PTPRD: variants seen among roughly 807,000 people sequenced by gnomAD.
PTPRD encodes the protein protein tyrosine phosphatase receptor type D.
Under a neutral mutation model 214.5 loss-of-function variants are expected in PTPRD, and 34 were observed. The ratio of observed to expected loss-of-function variants is 0.16; its 90% CI spans 0.12 to 0.21. The LOEUF (loss-of-function observed/expected upper bound fraction) is 0.21. Ranked by LOEUF, PTPRD falls within the 10% of genes least tolerant of loss-of-function variation. The pLI, the probability that PTPRD is intolerant of heterozygous loss-of-function variation, is 1.00. For synonymous variants in PTPRD, 1,128 were observed against 845.7 expected, an observed-to-expected ratio of 1.33 and a Z score of -5.79; for missense variants, 2,545 against 2,398.7, an observed-to-expected ratio of 1.06 and a Z score of -1.27.
At chr9:9,313,267 T>C (rs1219508020) in intron 9 of PTPRD, among the ~76,000 whole-genome samples, 2 of 152,174 alleles carry the variant, frequency 1.3e-5, no homozygotes, top group Non-Finnish European at 2.9e-5. Flanking sequence ...GATTATTTAA[T>C]ATAAATGTGT....
chr9:9,512,172 C>A (rs2096725432), intron 8 of PTPRD, among the ~76,000 whole-genome samples: 1 of 151,610 alleles, frequency 6.6e-6, no homozygotes. Flanking sequence ...TCAAAGAGAC[C>A]CAACAGTGTC....
rs1215192565 is a variant in PTPRD at position 9,563,448 on chromosome 9, T to A, written c.-237+11284A>T. Among the ~76,000 whole-genome samples the A allele has an allele frequency of 2.6e-5, 4 of 152,174 alleles. No homozygotes were observed. In the East Asian group the frequency reaches 7.7e-4, roughly 29 times the overall value. ...TATCTGTACCCAAACCATGGATCAC[T>A]CTCTCCTTATTTTATTCTGCATGGA... On this transcript the variant is annotated intron_variant, in intron 8 of 45. Transcript: ENST00000381196.
At chr9:9,022,679 T>C (rs1348067152) in intron 10 of PTPRD, among the ~76,000 whole-genome samples, 1 of 152,166 alleles carries the variant, frequency 6.6e-6, no homozygotes, top group African/African-American at 2.4e-5. Flanking sequence ...CATGACTGTA[T>C]AGAGCTTTGC....
At chr9:10,199,873 C>T (rs1436198440) in intron 3 of PTPRD, among the ~76,000 whole-genome samples, 1 of 150,068 alleles carries the variant, frequency 6.7e-6, no homozygotes, top group Non-Finnish European at 1.5e-5. Context: ...ACATAACTAC[C>T]ACTTAACACA....
At chr9:9,416,646 C>T (rs757136078) in intron 8 of PTPRD, among the ~76,000 whole-genome samples, 11 of 152,258 alleles carry the variant, frequency 7.2e-5, no homozygotes, top group South Asian at 6.2e-4. Flanking sequence ...CCCTTTTCCT[C>T]AGGACTTTAA....
chr9:9,568,722 G>A (rs529481297), intron 8 of PTPRD, among the ~76,000 whole-genome samples: 2 of 151,950 alleles, frequency 1.3e-5, no homozygotes, highest in Non-Finnish European at 2.9e-5. Context: ...TTAATGGGAG[G>A]TAGCTCTTAA....
intron 9 of PTPRD, among the ~76,000 whole-genome samples, chr9:9,252,038 G>A (rs908473442): frequency 6.6e-6 from 1 of 151,924 alleles, no homozygotes; most frequent in Admixed American, 6.6e-5. Flanking sequence ...TATCTCGGCA[G>A]CTACATTTGC....
rs749697397 is a variant in PTPRD at position 9,652,514 on chromosome 9, C to T, written c.-286-77733G>A. The stretch of plus-strand genomic sequence containing the variant: ...AATTTCAATAGGCTCCCTATAATAC[C>T]TTTATTGCCTATCTGAAAGGGTCAG... On this transcript the variant is annotated intron_variant, in intron 7 of 45. Coordinates refer to ENST00000381196, the MANE Select transcript of PTPRD (RefSeq NM_002839.4). 1.2e-3 allele frequency among the ~76,000 whole-genome samples: 178 copies of T among 152,154 alleles called. 1 individual carries two copies. Among genetic ancestry groups the T allele is most frequent in the Middle Eastern group, 3.4e-3 (1 of 292 alleles).
At chr9:9,323,276 G>A (rs1316384435) in intron 9 of PTPRD, among the ~76,000 whole-genome samples, 1 of 151,866 alleles carries the variant, frequency 6.6e-6, no homozygotes, top group African/African-American at 2.4e-5. Flanking sequence ...CATATGATTT[G>A]TTAAATCGAT....
At chr9:9,921,179 C>T (rs1286631278) in intron 5 of PTPRD, among the ~76,000 whole-genome samples, 3 of 152,022 alleles carry the variant, frequency 2.0e-5, no homozygotes, top group African/African-American at 7.2e-5. Context: ...TGATAGCTCC[C>T]TTGATGTCTG....
chr9:9,539,916 T>A (rs1229633686), intron 8 of PTPRD, among the ~76,000 whole-genome samples: 1 of 151,854 alleles, frequency 6.6e-6, no homozygotes, highest in Non-Finnish European at 1.5e-5. Context: ...CATTCTCACA[T>A]CCATTTCCAT....
chr9:9,060,613 C>G (rs1034513448), intron 10 of PTPRD, among the ~76,000 whole-genome samples: 1 of 151,636 alleles, frequency 6.6e-6, no homozygotes, highest in African/African-American at 2.4e-5. Context: ...ATATAATAAA[C>G]AGATAGTATA....
chr9:10,370,369 C>T (rs1023099377), intron 2 of PTPRD, among the ~76,000 whole-genome samples: 1 of 151,978 alleles, frequency 6.6e-6, no homozygotes, highest in Non-Finnish European at 1.5e-5. Context: ...TAATTTTCAG[C>T]GGAAGACACT....
chr9:9,455,740 GA>G (rs1372898656), intron 8 of PTPRD, among the ~76,000 whole-genome samples: 3 of 151,118 alleles, frequency 2.0e-5, no homozygotes, highest in African/African-American at 4.9e-5. Flanking sequence ...ATAGGTTGTA[GA>G]AAAAAAACTC....
intron 2 of PTPRD, among the ~76,000 whole-genome samples, chr9:10,576,425 C>A (rs1440307598): frequency 6.6e-6 from 1 of 152,068 alleles, no homozygotes; most frequent in African/African-American, 2.4e-5. Flanking sequence ...AAAATAGAAT[C>A]TCAGTATTTA....
intron 5 of PTPRD, among the ~76,000 whole-genome samples, chr9:9,815,770 T>C (rs1317365213): frequency 6.6e-6 from 1 of 151,976 alleles, no homozygotes; most frequent in South Asian, 2.1e-4. Flanking sequence ...GGCATGAGAG[T>C]ATGTTGGTCA....
chr9:8,808,156 A>G (rs2096725078), intron 11 of PTPRD, among the ~76,000 whole-genome samples: 1 of 152,154 alleles, frequency 6.6e-6, no homozygotes, highest in Non-Finnish European at 1.5e-5. Context: ...CATCCTGTTC[A>G]CATGTCTAAC....
chr9:9,382,142 T>C (rs1387906104), intron 9 of PTPRD, among the ~76,000 whole-genome samples: 1 of 146,000 alleles, frequency 6.8e-6, no homozygotes, highest in Non-Finnish European at 1.5e-5. Flanking sequence ...TTTGTGCTAT[T>C]GTAAATGGGA....
chr9:9,573,381 A>T (rs2087179117), intron 8 of PTPRD, among the ~76,000 whole-genome samples: 1 of 151,436 alleles, frequency 6.6e-6, no homozygotes, highest in South Asian at 2.1e-4. Flanking sequence ...TAGAAAGAGT[A>T]TAACAGGACT....
Sources: gnomAD v4.1 joint callset for allele counts (sites outside exome capture counted in the v4.1 genomes callset) on GRCh38, gnomAD v4.1.1 for gene constraint, MANE v1.5 for transcripts, NCBI Gene and HGNC (gene_info 2026-07-23, HGNC 2026-07-21) for gene names.